The following ZC3H12B variants were observed in gnomAD, a reference collection of about 807,000 sequenced individuals.
The protein encoded by ZC3H12B is probable ribonuclease ZC3H12B.
Under a neutral mutation model 43.9 loss-of-function variants are expected in ZC3H12B, and 7 were observed. The ratio of observed to expected loss-of-function variants is 0.16; its 90% confidence interval spans 0.09 to 0.30. The LOEUF (loss-of-function observed/expected upper bound fraction) is 0.30. Among genes scored for constraint, ZC3H12B ranks in the 10% least tolerant of loss-of-function variants. The pLI, the probability that ZC3H12B is intolerant of heterozygous loss-of-function variation, is 1.00. For synonymous variants in ZC3H12B, 222 were observed against 241.7 expected (o/e 0.92, Z 0.76); for missense variants, 475 against 670.2 (o/e 0.71, Z 3.22).
At chrX:65,243,087 C>T in the ZC3H12B span, among the ~76,000 whole-genome samples, 1 of 111,536 alleles carries the variant, frequency 9.0e-6, no homozygotes, top group Non-Finnish European at 1.9e-5. Flanking sequence ...TGAGTAAGAC[C>T]CAAAAAGCAC....
At chrX:65,054,478 T>G in the ZC3H12B span, among the ~76,000 whole-genome samples, 1 of 111,958 alleles carries the variant, frequency 8.9e-6, no homozygotes, top group Non-Finnish European at 1.9e-5. Context: ...ATCTCTGTTT[T>G]GGTTACTGTA....
chrX:65,172,197 C>G, the ZC3H12B span, among the ~76,000 whole-genome samples: 11 of 112,582 alleles, frequency 9.8e-5, no homozygotes, highest in African/African-American at 2.3e-4. Flanking sequence ...TGATGACGAT[C>G]TTTTTTTCAT....
chrX:65,134,202 T>A, the ZC3H12B span, among the ~76,000 whole-genome samples: 1 of 107,504 alleles, frequency 9.3e-6, no homozygotes, highest in East Asian at 3.0e-4. Context: ...AGAAGAGGGG[T>A]GGTGAGCAGC....
chrX:65,152,089 A>C, the ZC3H12B span, among the ~76,000 whole-genome samples: 1 of 111,761 alleles, frequency 8.9e-6, no homozygotes, highest in African/African-American at 3.3e-5. Flanking sequence ...TCTGCAAATA[A>C]TAAGAGCTAT....
At chrX:65,071,803 T>G in the ZC3H12B span, among the ~76,000 whole-genome samples, 1 of 112,155 alleles carries the variant, frequency 8.9e-6, no homozygotes, top group African/African-American at 3.2e-5. Context: ...GCTTGTAGGA[T>G]TCCTACTGAG....
At chrX:65,264,358 A>G in the ZC3H12B span, among the ~76,000 whole-genome samples, 8 of 112,103 alleles carry the variant, frequency 7.1e-5, no homozygotes, top group African/African-American at 2.6e-4. Flanking sequence ...AGACAAGTGC[A>G]TACAATTCAT....
At chrX:65,408,246 C>G (rs1331090573) in intron 3 of ZC3H12B, 1 of 1,166,632 alleles carries the variant, frequency 8.6e-7, no homozygotes, top group Non-Finnish European at 1.2e-6. Context: ...AGTGAAAAGA[C>G]AGAAATGCAG....
intron 3 of ZC3H12B, among the ~76,000 whole-genome samples, chrX:65,459,060 A>T: frequency 8.9e-6 from 1 of 111,948 alleles, no homozygotes; most frequent in Non-Finnish European, 1.9e-5. Context: ...ACAAACTACC[A>T]TCAGAGAATA....
At chrX:65,453,359 C>CAT (rs1159840122) in intron 3 of ZC3H12B, among the ~76,000 whole-genome samples, 4,196 of 27,038 alleles carry the variant, frequency 0.16, 319 homozygotes, top group Non-Finnish European at 0.2. Flanking sequence ...AGCTCAAATG[C>CAT]ATATATATAT....
chrX:65,205,231 G>A, the ZC3H12B span, among the ~76,000 whole-genome samples: 12 of 111,162 alleles, frequency 1.1e-4, no homozygotes, highest in South Asian at 4.5e-3. Context: ...CTATTTTCCA[G>A]TTTCTCCCTT....
chrX:65,072,544 G>C, the ZC3H12B span, among the ~76,000 whole-genome samples: 33 of 112,140 alleles, frequency 2.9e-4, no homozygotes, highest in Non-Finnish European at 5.1e-4. Context: ...TGAGGTTGCT[G>C]TCCTATGGAT....
At chrX:65,163,793 G>C in the ZC3H12B span, among the ~76,000 whole-genome samples, 9 of 111,481 alleles carry the variant, frequency 8.1e-5, no homozygotes, top group African/African-American at 1.6e-4. Context: ...TGCACCCACT[G>C]TCTGGCACTC....
the ZC3H12B span, among the ~76,000 whole-genome samples, chrX:65,152,428 T>C: frequency 9.0e-6 from 1 of 111,465 alleles, no homozygotes; most frequent in Non-Finnish European, 1.9e-5. Context: ...AGCATTCTTA[T>C]ACACCAATAA....
At chrX:65,345,597 G>A in the ZC3H12B span, among the ~76,000 whole-genome samples, 1 of 111,098 alleles carries the variant, frequency 9.0e-6, no homozygotes, top group Admixed American at 9.6e-5. Flanking sequence ...ATGGGTACTA[G>A]GCTTAATACA....
the ZC3H12B span, among the ~76,000 whole-genome samples, chrX:65,092,574 G>A: frequency 8.9e-6 from 1 of 111,904 alleles, no homozygotes; most frequent in Non-Finnish European, 1.9e-5. Context: ...TTAGCAAAGA[G>A]GAAGGCTGCA....
At chrX:65,216,127 C>CTA in the ZC3H12B span, among the ~76,000 whole-genome samples, 1 of 111,699 alleles carries the variant, frequency 9.0e-6, no homozygotes, top group African/African-American at 3.2e-5. Flanking sequence ...AATTAAACAA[C>CTA]TATATATGCA....
chrX:65,453,793 T>C (rs764528665), intron 3 of ZC3H12B, among the ~76,000 whole-genome samples: 1 of 111,362 alleles, frequency 9.0e-6, no homozygotes, highest in East Asian at 2.9e-4. Context: ...GAAACCATTA[T>C]TCTCAGTGAA....
the ZC3H12B span, among the ~76,000 whole-genome samples, chrX:65,156,555 A>G: frequency 9.0e-6 from 1 of 110,941 alleles, no homozygotes; most frequent in African/African-American, 3.3e-5. Context: ...TAATTTTTGT[A>G]TTTTTAGTAG....
chrX:65,495,301 A>C (rs775532651), intron 1 of ZC3H12B, among the ~76,000 whole-genome samples: 1 of 112,302 alleles, frequency 8.9e-6, no homozygotes, highest in South Asian at 3.7e-4. Context: ...GCATTTAATA[A>C]ATTTTTGCAA....
Sources: allele counts gnomAD v4.1 joint callset (sites outside exome capture counted in the v4.1 genomes callset), GRCh38; gene constraint gnomAD v4.1.1; transcripts MANE v1.5; gene names NCBI Gene and HGNC (gene_info 2026-07-23, HGNC 2026-07-21).